The following ZNF644 variants were observed in gnomAD, a reference collection of about 807,000 sequenced individuals.
ZNF644 encodes zinc finger protein 644, also known as zinc finger motif enhancer binding protein 2.
In ZNF644, 20 loss-of-function variants were observed where a neutral mutation model predicts 108.0. The observed-to-expected ratio is 0.19, with a 90% CI of 0.13 to 0.27. The LOEUF (loss-of-function observed/expected upper bound fraction) is 0.27, where lower values mean the gene tolerates loss of function less well. Among genes scored for constraint, ZNF644 ranks in the 10% least tolerant of loss-of-function variants. ZNF644 has a pLI of 1.00. For missense variants in ZNF644, 1,338 were observed against 1,548.9 expected, an observed-to-expected ratio of 0.86 and a Z score of 2.29; for synonymous variants, 542 against 539.1, an observed-to-expected ratio of 1.01 and a Z score of -0.08.
At chr1:90,970,911 A>G (rs1655385894) in intron 2 of ZNF644, among the ~76,000 whole-genome samples, 1 of 151,584 alleles carries the variant, frequency 6.6e-6, no homozygotes, top group Admixed American at 6.6e-5. Flanking sequence ...GAGGCAGGAG[A>G]ATCACTTGAA....
intron 4 of ZNF644, among the ~76,000 whole-genome samples, chr1:90,933,081 A>C (rs747871729): frequency 6.6e-6 from 1 of 152,200 alleles, no homozygotes; most frequent in Non-Finnish European, 1.5e-5. Context: ...GATAATCTTC[A>C]TAAGTGCATT....
Position 90,987,472 on chromosome 1 carries a change from G to A in ZNF644, c.-17-5102C>T, listed in dbSNP as rs1046240933. 5.3e-5 allele frequency among the ~76,000 whole-genome samples: 8 copies of A among 151,766 alleles called. 1 individual carries two copies. The highest frequency in any genetic ancestry group is 4.1e-4 in the South Asian group (2 of 4,826). ...CCTAAAAATGTACACCTAGCAAAACGAGGACATGAAAAATAAAAACTCTGA... is the reference window on the plus strand; with the variant it reads ...CCTAAAAATGTACACCTAGCAAAACAAGGACATGAAAAATAAAAACTCTGA... On this transcript the variant is annotated intron_variant, in intron 1 of 5. Transcript: ENST00000337393.
chr1:90,938,579 T>G lies in ZNF644; in HGVS notation c.2775A>C (p.Gly925=). 1 of 1,613,870 alleles carries G rather than the reference T, an allele frequency of 6.2e-7. No homozygotes were observed. ...GFYFEYYEDT[G]SNNFLHEIHD... ...GTATCTCATGCAAAAAGTTGTTACT[T>G]CCAGTATCTTCATAGTATTCAAAAT... The change falls in exon 3 of 6, where the codon GGA becomes GGC. Residue 925 remains glycine (G), a synonymous_variant. Coordinates refer to ENST00000337393, the MANE Select transcript of ZNF644 (RefSeq NM_201269.3). The surrounding 1 kb of genome is among the most constrained non-coding windows in gnomAD (Gnocchi z 4.2).
At chr1:90,962,441 T>A (rs1259549292) in intron 2 of ZNF644, among the ~76,000 whole-genome samples, 1 of 152,050 alleles carries the variant, frequency 6.6e-6, no homozygotes, top group African/African-American at 2.4e-5. Flanking sequence ...ATATAAAACA[T>A]ACATTCACAT....
intron 4 of ZNF644, among the ~76,000 whole-genome samples, chr1:90,921,362 C>T (rs924974723): frequency 6.6e-6 from 1 of 151,884 alleles, no homozygotes; most frequent in Non-Finnish European, 1.5e-5. Context: ...TACACAAAGC[C>T]TTTTTTTGTA....
chr1:91,003,058 T>C (rs904935949), intron 1 of ZNF644, among the ~76,000 whole-genome samples: 6 of 152,158 alleles, frequency 3.9e-5, no homozygotes, highest in Non-Finnish European at 5.9e-5. Context: ...TGTGGAGAAA[T>C]AGGAATGCTT....
At chr1:90,973,420 C>T (rs569527650) in intron 2 of ZNF644, among the ~76,000 whole-genome samples, 4 of 152,252 alleles carry the variant, frequency 2.6e-5, no homozygotes, top group African/African-American at 9.6e-5. Context: ...TCAAGTTAAA[C>T]TACCCCGTTC....
chr1:90,947,154 G>C (rs1652601581), intron 2 of ZNF644, among the ~76,000 whole-genome samples: 2 of 152,148 alleles, frequency 1.3e-5, no homozygotes, highest in Admixed American at 1.3e-4. Flanking sequence ...ATTTCCTAAT[G>C]AAGAATTCTG....
At chr1:90,991,319 C>T (rs1316452649) in intron 1 of ZNF644, among the ~76,000 whole-genome samples, 6 of 152,280 alleles carry the variant, frequency 3.9e-5, no homozygotes, top group African/African-American at 1.4e-4. Flanking sequence ...AACTTTCATA[C>T]ATTCATATGA....
intron 2 of ZNF644, among the ~76,000 whole-genome samples, chr1:90,953,084 T>C (rs540183627): frequency 2.6e-5 from 4 of 151,092 alleles, no homozygotes; most frequent in Non-Finnish European, 5.9e-5. Flanking sequence ...TCTGATGTTC[T>C]GTCACAACGT....
At chr1:91,010,172 T>C (rs17131254) in intron 1 of ZNF644, among the ~76,000 whole-genome samples, 18,387 of 151,922 alleles carry the variant, frequency 0.12, 1,149 homozygotes, top group South Asian at 0.16. Context: ...CTTTTTATTA[T>C]ATGCATTTAA....
chr1:90,964,436 C>A (rs1654635498), intron 2 of ZNF644, among the ~76,000 whole-genome samples: 3 of 152,214 alleles, frequency 2.0e-5, no homozygotes, highest in South Asian at 4.1e-4. Flanking sequence ...CCCTACCCAA[C>A]AAACTAAGCC....
At chr1:90,974,023 C>T (rs961178366) in intron 2 of ZNF644, among the ~76,000 whole-genome samples, 1 of 152,090 alleles carries the variant, frequency 6.6e-6, no homozygotes, top group East Asian at 1.9e-4. Flanking sequence ...TCTCCTAAAA[C>T]TTTTATGGGA....
chr1:90,965,852 C>G (rs538856358), intron 2 of ZNF644, among the ~76,000 whole-genome samples: 19 of 152,200 alleles, frequency 1.2e-4, no homozygotes, highest in African/African-American at 3.9e-4. Context: ...TGGGTTCAAG[C>G]GATTCTCCTG....
chr1:91,021,887 C>T, intron 1 of ZNF644, 103 bp downstream of exon 1: 1 of 398,906 alleles, frequency 2.5e-6, no homozygotes, highest in South Asian at 1.3e-4. Context: ...GGCCGGGTCC[C>T]CCAAGTTCTT....
At chr1:90,997,856 C>T (rs373273427) in intron 1 of ZNF644, among the ~76,000 whole-genome samples, 23 of 152,318 alleles carry the variant, frequency 1.5e-4, no homozygotes, top group South Asian at 1.0e-3. Context: ...CATAATACTG[C>T]GCTTTTCCAA....
chr1:90,954,037 T>C (rs1428715051), intron 2 of ZNF644, among the ~76,000 whole-genome samples: 2 of 152,174 alleles, frequency 1.3e-5, no homozygotes, highest in African/African-American at 4.8e-5. Flanking sequence ...GCCTTAATAT[T>C]GACAATCAGA....
Position 90,971,407 on chromosome 1 carries a change from A to T in ZNF644, c.44+10903T>A, listed in dbSNP as rs146995876. 8.6e-3 allele frequency among the ~76,000 whole-genome samples: 1,304 copies of T among 152,082 alleles called. 11 individuals carry two copies. The highest frequency in any genetic ancestry group is 0.023 in the African/African-American group (951 of 41,528). ...CTTCAATGTAATAAAAGCAATATTC[A>T]AACATTTCTTTCTTTCTTTTTTTTT... is the stretch of plus-strand genomic sequence containing the variant. On this transcript the variant is annotated intron_variant, in intron 2 of 5. Coordinates refer to ENST00000337393, the MANE Select transcript of ZNF644 (RefSeq NM_201269.3).
intron 2 of ZNF644, among the ~76,000 whole-genome samples, chr1:90,944,315 A>C (rs1334155126): frequency 6.6e-6 from 1 of 152,204 alleles, no homozygotes. Context: ...GCTTTTCATA[A>C]GGTCACATTC....
Sources: allele counts gnomAD v4.1 joint callset (sites outside exome capture counted in the v4.1 genomes callset), GRCh38; gene constraint gnomAD v4.1.1; non-coding constraint Gnocchi (gnomAD v3.1); transcripts MANE v1.5; gene names NCBI Gene and HGNC (gene_info 2026-07-23, HGNC 2026-07-21).